The following ERCC1 variants were observed in gnomAD, a reference collection of about 807,000 sequenced individuals.
ERCC1 encodes the protein ERCC excision repair 1, endonuclease non-catalytic subunit.
In ERCC1, 36 loss-of-function variants were observed where a neutral mutation model predicts 37.6. The ratio of observed to expected loss-of-function variants is 0.96; its 90% CI spans 0.73 to 1.26. The LOEUF is 1.26. ERCC1 is among the 50% of genes most tolerant of loss of function. The probability of loss-of-function intolerance (pLI) is 0.00; values close to 1 mark genes in which losing one functional copy is unlikely to be tolerated. For synonymous variants in ERCC1, 156 were observed against 162.1 expected (o/e 0.96, Z 0.28); for missense variants, 349 against 376.5 (o/e 0.93, Z 0.60).
intron 1 of ERCC1, among the ~76,000 whole-genome samples, chr19:45,445,624 C>A (rs561278079): frequency 6.6e-6 from 1 of 152,070 alleles, no homozygotes; most frequent in Non-Finnish European, 1.5e-5. Context: ...TTGGGAGAAG[C>A]CATGCAGATA....
chr19:45,415,647 A>AAC (rs1974023440), intron 6 of ERCC1, among the ~76,000 whole-genome samples: 1 of 151,562 alleles, frequency 6.6e-6, no homozygotes, highest in African/African-American at 2.4e-5. Context: ...AAAAAAAAAA[A>AAC]AAAAAAAAAA....
intron 5 of ERCC1, among the ~76,000 whole-genome samples, chr19:45,417,952 A>G (rs1433053001): frequency 6.6e-6 from 1 of 152,078 alleles, no homozygotes; most frequent in Admixed American, 6.6e-5. Context: ...TCAGCCTCTC[A>G]AAGAGCTAGG....
intron 1 of ERCC1, among the ~76,000 whole-genome samples, chr19:45,448,026 C>G (rs1301011240): frequency 6.6e-6 from 1 of 152,144 alleles, no homozygotes; most frequent in Non-Finnish European, 1.5e-5. Context: ...TGTATGCCAC[C>G]AAGCCTGGCT....
chr19:45,438,693 G>GT (rs1259905879), intron 1 of ERCC1, among the ~76,000 whole-genome samples: 2 of 151,916 alleles, frequency 1.3e-5, no homozygotes, highest in African/African-American at 4.8e-5. Flanking sequence ...CCAGGCTGGA[G>GT]TGCAATGGCT....
rs920297224 is a variant in ERCC1 at position 45,407,619 on chromosome 19, A to G, written c.*2056T>C. 3.5e-6 allele frequency: 1 copy of G among 282,890 alleles called. No individual in the cohort carries two copies. Among genetic ancestry groups the G allele is most frequent in the East Asian group, 6.0e-5 (1 of 16,630 alleles). 17.5% of individuals were successfully genotyped at this position (282,890 alleles called of 1,614,324 possible). ...TTGGACATTCTGCAGGCTTGGTGGA[A>G]CATGTTCTGTATGGCCATAAATATT... On this transcript the variant is annotated 3_prime_UTR_variant, in exon 10 of 10. Coordinates refer to ENST00000300853, the MANE Select transcript of ERCC1 (RefSeq NM_001983.4).
In ERCC1 at chr19:45,420,439, C is replaced by T. The variant is rs376831417; in HGVS notation, c.322-12G>A. 8 of 1,578,620 alleles carry T rather than the reference C, an allele frequency of 5.1e-6. No homozygotes were observed. Among genetic ancestry groups the T allele is most frequent in the African/African-American group, 4.1e-5 (3 of 73,656 alleles). On this transcript the variant is annotated splice_polypyrimidine_tract_variant and intron_variant, in intron 3 of 9. Coordinates refer to ENST00000300853, the MANE Select transcript of ERCC1 (RefSeq NM_001983.4). This position sits in a 1 kb window ranked among gnomAD's most constrained non-coding sequence, Gnocchi z 4.8. ...ACGGGATTGCCCCTCTGGGGAGGGA[C>T]GAAGGGCAGAAGCCATCAATAGGGA...
At chr19:45,418,822 T>TCAAACAAACAAACAAA (rs111532874) in intron 5 of ERCC1, among the ~76,000 whole-genome samples, 3 of 152,084 alleles carry the variant, frequency 2.0e-5, no homozygotes, top group African/African-American at 7.2e-5. Context: ...AAACTCCGTC[T>TCAAACAAACAAACAAA]CAAACAAACA....
At chr19:45,449,816 T>C (rs144057986) in intron 1 of ERCC1, among the ~76,000 whole-genome samples, 26,014 of 151,678 alleles carry the variant, frequency 0.17, 2,481 homozygotes, top group Admixed American at 0.25. Flanking sequence ...AATACAAAAT[T>C]AGCCCAGCAT....
At chr19:45,427,496 T>A (rs1310353769), upstream of ERCC1, among the ~76,000 whole-genome samples, 3 of 151,676 alleles carry the variant, frequency 2.0e-5, no homozygotes, top group Non-Finnish European at 4.4e-5. Context: ...ACGCCTGTAA[T>A]CCCAGCTACT....
chr19:45,444,434 G>A (rs1482323290), intron 1 of ERCC1, among the ~76,000 whole-genome samples: 2 of 151,956 alleles, frequency 1.3e-5, no homozygotes, highest in Non-Finnish European at 2.9e-5. Flanking sequence ...CAAAACACTG[G>A]TCTCCAGGCA....
intron 1 of ERCC1, 68 bp downstream of exon 1, chr19:45,423,713 T>G: frequency 8.5e-7 from 1 of 1,183,386 alleles, no homozygotes; most frequent in East Asian, 4.0e-5. Flanking sequence ...GCCTTGTCCA[T>G]CTCTCAGACT....
intron 1 of ERCC1, among the ~76,000 whole-genome samples, chr19:45,436,339 A>T (rs887931164): frequency 6.6e-6 from 1 of 152,194 alleles, no homozygotes; most frequent in African/African-American, 2.4e-5. Context: ...AAAACAAGAG[A>T]AATTCGGCCG....
chr19:45,429,441 A>T (rs752063601), intron 1 of ERCC1, among the ~76,000 whole-genome samples: 4 of 152,056 alleles, frequency 2.6e-5, no homozygotes, highest in Non-Finnish European at 4.4e-5. Context: ...GTCTGGGCAA[A>T]AACAGCGAAA....
At chr19:45,418,412 C>T (rs920722008) in intron 5 of ERCC1, among the ~76,000 whole-genome samples, 5 of 152,108 alleles carry the variant, frequency 3.3e-5, no homozygotes, top group Non-Finnish European at 5.9e-5. Context: ...CCCAGTTGCT[C>T]GAGAGGCTGA....
intron 1 of ERCC1, among the ~76,000 whole-genome samples, chr19:45,441,456 T>G (rs963808959): frequency 6.6e-6 from 1 of 152,046 alleles, no homozygotes; most frequent in African/African-American, 2.4e-5. Context: ...AGTTTCAGAG[T>G]CAGTGCAGAG....
upstream of ERCC1, among the ~76,000 whole-genome samples, chr19:45,426,916 C>T (rs1974706540): frequency 7.0e-6 from 1 of 143,666 alleles, no homozygotes; most frequent in Non-Finnish European, 1.5e-5. Flanking sequence ...GCCAAGATCA[C>T]GCAATTGTAC....
intron 5 of ERCC1, among the ~76,000 whole-genome samples, chr19:45,418,175 G>T (rs143083510): frequency 1.3e-5 from 2 of 151,396 alleles, no homozygotes; most frequent in Non-Finnish European, 2.9e-5. Context: ...TGGTGAAACC[G>T]CATCTCTACT....
intron 5 of ERCC1, 45 bp from the exon 6 acceptor site, chr19:45,416,942 C>T (rs754229628): frequency 2.3e-5 from 34 of 1,467,376 alleles, no homozygotes; most frequent in Non-Finnish European, 1.2e-5. Flanking sequence ...CCAGGAATTA[C>T]AAAAATTAGC....
intron 5 of ERCC1, among the ~76,000 whole-genome samples, chr19:45,418,494 T>C (rs1410769423): frequency 6.6e-6 from 1 of 151,878 alleles, no homozygotes; most frequent in East Asian, 1.9e-4. Context: ...CACTCCAGCC[T>C]GGGCGACAGA....
Sources: allele counts gnomAD v4.1 joint callset (sites outside exome capture counted in the v4.1 genomes callset), GRCh38; gene constraint gnomAD v4.1.1; non-coding constraint Gnocchi (gnomAD v3.1); transcripts MANE v1.5; gene names NCBI Gene and HGNC (gene_info 2026-07-23, HGNC 2026-07-21).